The following MARK1 variants were observed in gnomAD, a reference collection of about 807,000 sequenced individuals.
The protein encoded by MARK1 is microtubule affinity regulating kinase 1.
A neutral mutation model predicts 96.3 loss-of-function variants in MARK1; 40 were observed. The ratio of observed to expected loss-of-function variants is 0.42; its 90% confidence interval spans 0.32 to 0.54. MARK1 has a LOEUF of 0.54. Ranked by LOEUF, MARK1 falls within the 20% of genes least tolerant of loss-of-function variation. The pLI is 0.16. For missense variants in MARK1, 719 were observed against 984.6 expected (o/e 0.73, Z 3.61); for synonymous variants, 317 against 341.2 (o/e 0.93, Z 0.78).
intron 1 of MARK1, among the ~76,000 whole-genome samples, chr1:220,573,095 A>G (rs1663584141): frequency 6.6e-6 from 1 of 152,060 alleles, no homozygotes; most frequent in South Asian, 2.1e-4. Context: ...GGTTTCAGCA[A>G]TTTGACAGTG....
At chr1:220,639,755 G>A (rs1256178306) in intron 13 of MARK1, among the ~76,000 whole-genome samples, 1 of 152,118 alleles carries the variant, frequency 6.6e-6, no homozygotes, top group Non-Finnish European at 1.5e-5. Flanking sequence ...TTGACTATGT[G>A]TATATCCTTG....
intron 9 of MARK1, among the ~76,000 whole-genome samples, chr1:220,628,284 C>T (rs573619612): frequency 2.6e-5 from 4 of 152,318 alleles, no homozygotes; most frequent in Admixed American, 6.5e-5. Context: ...AGGCATCCTT[C>T]AACCTGGCAA....
chr1:220,645,819 A>G (rs1404655220), intron 13 of MARK1, among the ~76,000 whole-genome samples: 1 of 152,206 alleles, frequency 6.6e-6, no homozygotes, highest in African/African-American at 2.4e-5. Flanking sequence ...AATTATCTCA[A>G]TAGACACAGA....
chr1:220,585,984 T>TACACACACAC (rs1553322886), intron 3 of MARK1, among the ~76,000 whole-genome samples: 1,734 of 52,870 alleles, frequency 0.033, 20 homozygotes, highest in Middle Eastern at 0.15. Flanking sequence ...TACATACGTA[T>TACACACACAC]ACACACACAC....
chr1:220,561,382 A>G (rs1197938039), intron 1 of MARK1, among the ~76,000 whole-genome samples: 1 of 151,694 alleles, frequency 6.6e-6, no homozygotes, highest in African/African-American at 2.4e-5. Flanking sequence ...TTTTTTTTTT[A>G]AGTTCATCAG....
chr1:220,630,142 A>G (rs1334794429), intron 9 of MARK1, among the ~76,000 whole-genome samples: 1 of 152,120 alleles, frequency 6.6e-6, no homozygotes, highest in Non-Finnish European at 1.5e-5. Flanking sequence ...GGCCATCCTA[A>G]TGAGTATAAG....
chr1:220,640,881 A>G (rs541102562), intron 13 of MARK1, among the ~76,000 whole-genome samples: 1 of 152,274 alleles, frequency 6.6e-6, no homozygotes, highest in South Asian at 2.1e-4. Flanking sequence ...ACCTCCCAAC[A>G]CTTTTGCATT....
intron 9 of MARK1, chr1:220,626,847 G>A: frequency 4.8e-6 from 2 of 413,046 alleles, no homozygotes; most frequent in Non-Finnish European, 9.4e-6. Context: ...GTTGAGGGGG[G>A]CATGCCAAGT....
rs191179675 is a variant in MARK1, at chr1:220,638,756, T to C, written c.1470+2730T>C. ...CTTAGCCACATAATACTATAATATA[T>C]TGTTATTTACTGTTTTAATTTTGGT... On this transcript the variant is annotated intron_variant, in intron 13 of 17. Transcript: ENST00000366917. 2.6e-5 allele frequency among the ~76,000 whole-genome samples: 4 copies of C among 152,312 alleles called. No homozygotes were observed. The East Asian group carries it at 7.7e-4, about 29-fold the overall frequency.
At chr1:220,577,522 AATC>A (rs1278112515) in intron 1 of MARK1, among the ~76,000 whole-genome samples, 1 of 152,220 alleles carries the variant, frequency 6.6e-6, no homozygotes, top group Non-Finnish European at 1.5e-5. Context: ...CATGCATCAG[AATC>A]ACCTGGAAAA....
At chr1:220,537,018 G>A (rs1660743625) in intron 1 of MARK1, among the ~76,000 whole-genome samples, 1 of 150,190 alleles carries the variant, frequency 6.7e-6, no homozygotes, top group Non-Finnish European at 1.5e-5. Flanking sequence ...AGGGGTACAT[G>A]TACAGGATTT....
At chr1:220,620,819 T>G (rs1667016323) in intron 9 of MARK1, among the ~76,000 whole-genome samples, 1 of 152,070 alleles carries the variant, frequency 6.6e-6, no homozygotes, top group South Asian at 2.1e-4. Flanking sequence ...ACTGGAAATA[T>G]TATATTATAG....
chr1:220,586,024 CA>C (rs1291781321), intron 3 of MARK1, among the ~76,000 whole-genome samples: 44 of 151,354 alleles, frequency 2.9e-4, no homozygotes, highest in South Asian at 2.1e-4. Context: ...CGCGCGTGCG[CA>C]GAGAGAGAGA....
At chr1:220,575,490 A>G (rs1933002) in intron 1 of MARK1, among the ~76,000 whole-genome samples, 28,207 of 152,124 alleles carry the variant, frequency 0.19, 3,322 homozygotes, top group East Asian at 0.36. Context: ...TGATCAGGAA[A>G]GTGAGATCAG....
chr1:220,566,973 A>G (rs1663105174), intron 1 of MARK1, among the ~76,000 whole-genome samples: 1 of 152,162 alleles, frequency 6.6e-6, no homozygotes, highest in African/African-American at 2.4e-5. Context: ...ATTCAAATAC[A>G]TGAAAATTTT....
chr1:220,642,593 G>A (rs1347245112), intron 13 of MARK1, among the ~76,000 whole-genome samples: 1 of 152,172 alleles, frequency 6.6e-6, no homozygotes, highest in Non-Finnish European at 1.5e-5. Flanking sequence ...GCAATTCCCT[G>A]AGCACAGATC....
Position 220,653,294 on chromosome 1 carries a change from G to A in MARK1, c.1930G>A (p.Ala644Thr). Residue 644 changes from alanine to threonine, a missense_variant, in exon 16 of 18, where the codon GCC becomes ACC. This residue lies in a region of MARK1 where 501 missense variants were observed against 588.3 expected (regional missense o/e 0.85). Transcript: ENST00000366917. ...CCATGAAACGGGTGCATTTGCACAT[G>A]CCAGAAGGGGAACGTCAACTGGTAT... ...PSHETGAFAHARRGTSTGIIS... is the reference protein window; with the variant it reads ...PSHETGAFAHTRRGTSTGIIS... The A allele has an allele frequency of 5.0e-6, 8 of 1,614,232 alleles. No homozygotes were observed. Among genetic ancestry groups the A allele is most frequent in the Non-Finnish European group, 6.8e-6 (8 of 1,180,044 alleles).
chr1:220,564,770 T>C (rs1662923744), intron 1 of MARK1, among the ~76,000 whole-genome samples: 2 of 152,220 alleles, frequency 1.3e-5, no homozygotes, highest in Admixed American at 1.3e-4. Flanking sequence ...CTATAGGTTG[T>C]CAATTAGTAT....
chr1:220,538,870 G>C (rs1343180144), intron 1 of MARK1, among the ~76,000 whole-genome samples: 1 of 149,410 alleles, frequency 6.7e-6, no homozygotes, highest in East Asian at 2.0e-4. Context: ...CTCTCTGTTT[G>C]TCTGTTATTG....
Sources: gnomAD v4.1 joint callset for allele counts (sites outside exome capture counted in the v4.1 genomes callset) on GRCh38, gnomAD v4.1.1 for gene constraint, gnomAD v4.1.1 regional missense constraint, MANE v1.5 for transcripts, NCBI Gene and HGNC (gene_info 2026-07-23, HGNC 2026-07-21) for gene names.